Variants in MAST4 observed in about 807,000 individuals in gnomAD.
MAST4 encodes microtubule associated serine/threonine kinase family member 4.
MAST4 carries 89 observed loss-of-function variants against 162.7 expected under a neutral mutation model. The ratio of observed to expected loss-of-function variants is 0.55; its 90% confidence interval spans 0.46 to 0.65. MAST4 has a LOEUF of 0.65. MAST4 is among the 30% of genes least tolerant of loss of function. The pLI is 0.00. For missense variants in MAST4, 3,153 were observed against 3,374.0 expected, an observed-to-expected ratio of 0.93 and a Z score of 1.62; for synonymous variants, 1,479 against 1,361.1, an observed-to-expected ratio of 1.09 and a Z score of -1.91.
At chr5:66,956,874 A>G (rs1355718718) in intron 4 of MAST4, among the ~76,000 whole-genome samples, 1 of 152,170 alleles carries the variant, frequency 6.6e-6, no homozygotes, top group Non-Finnish European at 1.5e-5. Context: ...GAAGTAGACC[A>G]TTTAGGAATA....
chr5:66,970,463 G>A (rs1747296567), intron 4 of MAST4, among the ~76,000 whole-genome samples: 1 of 152,166 alleles, frequency 6.6e-6, no homozygotes, highest in Non-Finnish European at 1.5e-5. Flanking sequence ...AGGTCAGATG[G>A]CAAGCAGAGC....
chr5:66,940,454 T>A (rs78309748), intron 4 of MAST4, among the ~76,000 whole-genome samples: 1 of 152,222 alleles, frequency 6.6e-6, no homozygotes, highest in South Asian at 2.1e-4. Flanking sequence ...CAACTAAGTT[T>A]GTGTAATATT....
At chr5:66,684,402 C>T (rs1003005774) in intron 1 of MAST4, among the ~76,000 whole-genome samples, 6 of 151,732 alleles carry the variant, frequency 4.0e-5, no homozygotes, top group Non-Finnish European at 8.8e-5. Flanking sequence ...TCAAAGAGTA[C>T]TAGTTAATAA....
At chr5:67,036,565 A>G (rs1293105227) in intron 4 of MAST4, among the ~76,000 whole-genome samples, 3 of 152,176 alleles carry the variant, frequency 2.0e-5, no homozygotes, top group Non-Finnish European at 2.9e-5. Context: ...ATATAAGATG[A>G]CATAGTATTT....
intron 3 of MAST4, among the ~76,000 whole-genome samples, chr5:66,844,017 A>C (rs988989619): frequency 2.0e-5 from 3 of 151,988 alleles, no homozygotes; most frequent in Non-Finnish European, 4.4e-5. Flanking sequence ...TCCTCATGCA[A>C]GGAGGGTGTC....
intron 4 of MAST4, among the ~76,000 whole-genome samples, chr5:66,995,824 C>T (rs1416940797): frequency 6.6e-6 from 1 of 151,538 alleles, no homozygotes; most frequent in Non-Finnish European, 1.5e-5. Context: ...TGCAGTGAGC[C>T]ATGATTTCAC....
chr5:67,116,773 G>T (rs978574493), intron 12 of MAST4, among the ~76,000 whole-genome samples: 20 of 151,972 alleles, frequency 1.3e-4, no homozygotes, highest in Non-Finnish European at 2.8e-4. Context: ...CCGAGATGGC[G>T]CCATTGCACT....
At chr5:67,042,383 T>C (rs1210674467) in intron 4 of MAST4, among the ~76,000 whole-genome samples, 1 of 152,196 alleles carries the variant, frequency 6.6e-6, no homozygotes, top group African/African-American at 2.4e-5. Flanking sequence ...CCTCCTGTCT[T>C]TAGCAACAGA....
At chr5:66,879,114 C>A (rs1200304907) in intron 3 of MAST4, among the ~76,000 whole-genome samples, 1 of 151,994 alleles carries the variant, frequency 6.6e-6, no homozygotes, top group Non-Finnish European at 1.5e-5. Flanking sequence ...CCTGTCTCTA[C>A]TAAAAATACA....
At chr5:66,597,532 G>A (rs1194520841) in intron 1 of MAST4, among the ~76,000 whole-genome samples, 8 of 142,724 alleles carry the variant, frequency 5.6e-5, no homozygotes, top group African/African-American at 2.1e-4. Flanking sequence ...GATCGCCCGC[G>A]GGTGGTTTTG....
chr5:66,824,172 T>C (rs1757129640), intron 3 of MAST4, among the ~76,000 whole-genome samples: 1 of 152,236 alleles, frequency 6.6e-6, no homozygotes, highest in African/African-American at 2.4e-5. Context: ...TATGGCTGTC[T>C]ACCTTGTTGA....
At position 66,900,001 on chromosome 5, in the gene MAST4, T is replaced by C; in HGVS notation, c.674+19T>C. Reference sequence around the variant, plus strand: ...GAAGTTTGTAAGTAGTAGTATTTTGTTTCCTTGTTTTCTTTTTATTAATAT... The same window carrying C: ...GAAGTTTGTAAGTAGTAGTATTTTGCTTCCTTGTTTTCTTTTTATTAATAT... On this transcript the variant is annotated intron_variant, in intron 4 of 28. Coordinates refer to ENST00000403625, the MANE Select transcript of MAST4 (RefSeq NM_001164664.2). 1 of 1,483,620 alleles carries C rather than the reference T, an allele frequency of 6.7e-7. No homozygotes were observed. Among genetic ancestry groups the C allele is most frequent in the Non-Finnish European group, 9.0e-7 (1 of 1,114,632 alleles). The allele number at this position is 1,483,620 out of a possible 1,614,324, so 91.9% of individuals were successfully genotyped here.
At chr5:67,007,472 C>T (rs974519989) in intron 4 of MAST4, among the ~76,000 whole-genome samples, 1 of 152,218 alleles carries the variant, frequency 6.6e-6, no homozygotes, top group African/African-American at 2.4e-5. Context: ...TGCACACTTG[C>T]TGACTTGTGT....
chr5:66,949,358 T>C (rs1744401848), intron 4 of MAST4, among the ~76,000 whole-genome samples: 1 of 152,182 alleles, frequency 6.6e-6, no homozygotes, highest in Admixed American at 6.6e-5. Flanking sequence ...TGCATCATGG[T>C]GGTTTACCTC....
intron 3 of MAST4, among the ~76,000 whole-genome samples, chr5:66,840,823 A>G (rs1261596827): frequency 2.0e-5 from 3 of 152,144 alleles, no homozygotes; most frequent in Non-Finnish European, 2.9e-5. Flanking sequence ...GTCAAGACCA[A>G]CAGACCCACA....
Position 66,608,355 on chromosome 5 carries a change from C to CTTTTTT in MAST4, c.363+11363_363+11368dup, listed in dbSNP as rs72272071. Among the ~76,000 whole-genome samples, 69 of 44,422 alleles carry CTTTTTT rather than the reference C, an allele frequency of 1.6e-3. 5 individuals carry two copies. The highest frequency in any genetic ancestry group is 5.9e-3 in the African/African-American group (63 of 10,676). The allele number at this position is 44,422 out of a possible 152,430, so 29.1% of individuals were successfully genotyped here. ...ACAGACATGAACCACTGTGCCTGGC[C>CTTTTTT]TTTTTTTTTTTTTTTTTTTTTTTTT... On this transcript the variant is annotated intron_variant, in intron 1 of 28. Coordinates refer to ENST00000403625, the MANE Select transcript of MAST4 (RefSeq NM_001164664.2).
At chr5:66,641,194 C>A (rs966263671) in intron 1 of MAST4, among the ~76,000 whole-genome samples, 1 of 151,966 alleles carries the variant, frequency 6.6e-6, no homozygotes, top group Admixed American at 6.6e-5. Context: ...TCTCTGTCAC[C>A]CAGGCTGAAG....
At chr5:66,997,006 T>C (rs1416923362) in intron 4 of MAST4, among the ~76,000 whole-genome samples, 1 of 152,252 alleles carries the variant, frequency 6.6e-6, no homozygotes, top group African/African-American at 2.4e-5. Flanking sequence ...GTATTAACAA[T>C]TGCCCTCATC....
intron 13 of MAST4, 130 bp downstream of exon 13, chr5:67,118,879 G>T: frequency 4.9e-6 from 3 of 613,550 alleles, no homozygotes; most frequent in Non-Finnish European, 8.7e-6. Flanking sequence ...TAAGAATATG[G>T]ATAAGATCTA....
Sources: allele counts gnomAD v4.1 joint callset (sites outside exome capture counted in the v4.1 genomes callset), GRCh38; gene constraint gnomAD v4.1.1; transcripts MANE v1.5; gene names NCBI Gene and HGNC (gene_info 2026-07-23, HGNC 2026-07-21).